Variants in SLC9A7 observed in about 807,000 individuals in gnomAD.
SLC9A7 encodes solute carrier family 9 member A7.
SLC9A7 carries 19 observed loss-of-function variants against 52.6 expected under a neutral mutation model. The observed-to-expected ratio is 0.36, with a 90% CI of 0.25 to 0.53. The LOEUF (loss-of-function observed/expected upper bound fraction) is 0.53. SLC9A7 is among the 20% of genes least tolerant of loss of function. The pLI is 0.91. For synonymous variants in SLC9A7, 226 were observed against 252.1 expected (o/e 0.90, Z 0.98); for missense variants, 455 against 597.9 (o/e 0.76, Z 2.49).
At chrX:46,638,336 T>C (rs1223792070) in intron 12 of SLC9A7, among the ~76,000 whole-genome samples, 1 of 112,107 alleles carries the variant, frequency 8.9e-6, no homozygotes, top group Non-Finnish European at 1.9e-5. Context: ...AGCTGACACA[T>C]ATATATTTTT....
At chrX:46,646,134 T>C (rs1943488593) in intron 11 of SLC9A7, among the ~76,000 whole-genome samples, 1 of 111,112 alleles carries the variant, frequency 9.0e-6, no homozygotes, top group Non-Finnish European at 1.9e-5. Context: ...GTTACATTCA[T>C]CTTCCACTGG....
At chrX:46,729,449 A>T (rs1478498933) in intron 1 of SLC9A7, among the ~76,000 whole-genome samples, 3 of 112,220 alleles carry the variant, frequency 2.7e-5, no homozygotes, top group Non-Finnish European at 5.6e-5. Context: ...ATGAACTCAC[A>T]TGCAATCTAG....
chrX:46,698,326 G>A (rs1416530153), intron 1 of SLC9A7, among the ~76,000 whole-genome samples: 3 of 111,143 alleles, frequency 2.7e-5, no homozygotes, highest in African/African-American at 9.8e-5. Flanking sequence ...TGTCTCCCCC[G>A]GATGCCCAGC....
intron 1 of SLC9A7, among the ~76,000 whole-genome samples, chrX:46,707,239 C>A (rs1944618080): frequency 8.9e-6 from 1 of 112,408 alleles, no homozygotes; most frequent in Non-Finnish European, 1.9e-5. Flanking sequence ...TTGATCTGAT[C>A]TCTTTGTGTT....
intron 1 of SLC9A7, among the ~76,000 whole-genome samples, chrX:46,731,432 T>TATATTAAAAAA (rs748259550): frequency 1.0e-4 from 8 of 78,275 alleles, no homozygotes; most frequent in South Asian, 5.8e-4. Flanking sequence ...TATAAAAAAT[T>TATATTAAAAAA]AAAAAAAATT....
At chrX:46,750,841 C>A (rs1453398191) in intron 1 of SLC9A7, among the ~76,000 whole-genome samples, 7 of 112,587 alleles carry the variant, frequency 6.2e-5, no homozygotes, top group Admixed American at 2.8e-4. Context: ...ATTGCCCAAA[C>A]TTGGAAGCAA....
chrX:46,647,067 A>G, intron 11 of SLC9A7: 1 of 322,070 alleles, frequency 3.1e-6, no homozygotes, highest in Non-Finnish European at 6.0e-6. Context: ...CCAGAGTGCC[A>G]CTCATTAAGA....
rs1443442357 is a variant in SLC9A7 at position 46,603,651 on chromosome X, A to G, written c.*3301T>C. ...CAGCAGATCGAGACCATCCTGCCCA[A>G]CATGGTGAAACTCTGTCTCTACTAA... On this transcript the variant is annotated 3_prime_UTR_variant, in exon 17 of 17. Transcript: ENST00000616978. 1.8e-5 allele frequency: 2 copies of G among 111,817 alleles called. No individual in the cohort carries two copies. The highest frequency in any genetic ancestry group is 6.5e-5 in the African/African-American group (2 of 30,773). 9.2% of individuals were successfully genotyped at this position (111,817 alleles called of 1,213,427 possible). A position where few individuals can be genotyped will look rare whatever the true frequency, so the allele number is the denominator to read the frequency against.
intron 12 of SLC9A7, among the ~76,000 whole-genome samples, chrX:46,636,161 T>C (rs1227976987): frequency 9.0e-6 from 1 of 111,576 alleles, no homozygotes; most frequent in East Asian, 2.8e-4. Flanking sequence ...AAGCACACCA[T>C]GTTGTACATA....
intron 1 of SLC9A7, among the ~76,000 whole-genome samples, chrX:46,716,106 T>C (rs1381602783): frequency 2.7e-5 from 3 of 110,924 alleles, no homozygotes; most frequent in African/African-American, 9.8e-5. Context: ...AGTCTAGAGA[T>C]ATTAAGTGGT....
intron 16 of SLC9A7, among the ~76,000 whole-genome samples, chrX:46,611,837 G>T (rs1429963723): frequency 9.0e-6 from 1 of 111,603 alleles, no homozygotes; most frequent in African/African-American, 3.3e-5. Flanking sequence ...AATCTCGGCT[G>T]CTCTGATGTG....
At chrX:46,664,221 C>G (rs1465813333) in intron 5 of SLC9A7, among the ~76,000 whole-genome samples, 5 of 111,244 alleles carry the variant, frequency 4.5e-5, no homozygotes, top group Non-Finnish European at 9.4e-5. Context: ...TTGCAGAAAG[C>G]ATTACCTCTT....
intron 15 of SLC9A7, among the ~76,000 whole-genome samples, chrX:46,620,010 T>C (rs1943017797): frequency 8.9e-6 from 1 of 112,356 alleles, no homozygotes; most frequent in Non-Finnish European, 1.9e-5. Context: ...TGAGCACTTA[T>C]TATTTGTGTA....
intron 1 of SLC9A7, among the ~76,000 whole-genome samples, chrX:46,709,656 A>G (rs1010597906): frequency 8.9e-6 from 1 of 112,276 alleles, no homozygotes; most frequent in Non-Finnish European, 1.9e-5. Flanking sequence ...GTAAAGCACT[A>G]AAGGGGATAT....
chrX:46,641,193 G>A (rs775012590), intron 12 of SLC9A7, among the ~76,000 whole-genome samples: 4 of 112,168 alleles, frequency 3.6e-5, no homozygotes, highest in African/African-American at 1.3e-4. Flanking sequence ...AGGCAGCAGG[G>A]ACCAGAGGAG....
chrX:46,755,679 C>A (rs1031352149), intron 1 of SLC9A7, among the ~76,000 whole-genome samples: 1 of 109,419 alleles, frequency 9.1e-6, no homozygotes, highest in Non-Finnish European at 1.9e-5. Flanking sequence ...AAAATTTAGC[C>A]GGGCATGGTG....
At chrX:46,651,262 T>C (rs1332868703) in intron 9 of SLC9A7, 39 bp from the exon 10 acceptor site, 2 of 1,159,740 alleles carry the variant, frequency 1.7e-6, no homozygotes, top group Admixed American at 2.2e-5. Flanking sequence ...AACCCTGCAG[T>C]TCCCCCTTCC....
At chrX:46,749,633 C>T (rs1313839842) in intron 1 of SLC9A7, among the ~76,000 whole-genome samples, 1 of 111,954 alleles carries the variant, frequency 8.9e-6, no homozygotes, top group Non-Finnish European at 1.9e-5. Context: ...GGAGTGTGAC[C>T]TTTGGGCTGA....
intron 1 of SLC9A7, among the ~76,000 whole-genome samples, chrX:46,722,966 C>A (rs1248801616): frequency 9.0e-6 from 1 of 111,686 alleles, no homozygotes; most frequent in Admixed American, 9.6e-5. Context: ...CCTATTTTAG[C>A]AGCCTCTGTT....
Sources: allele counts gnomAD v4.1 joint callset (sites outside exome capture counted in the v4.1 genomes callset), GRCh38; gene constraint gnomAD v4.1.1; transcripts MANE v1.5; gene names NCBI Gene and HGNC (gene_info 2026-07-23, HGNC 2026-07-21).